Variants in MS4A18 observed in about 807,000 individuals in gnomAD.
MS4A18 encodes the protein membrane-spanning 4-domains subfamily A member 18.
A neutral mutation model predicts 13.1 loss-of-function variants in MS4A18; 27 were observed. That is an observed-to-expected ratio of 2.06 (90% CI 1.52 to 2.84). MS4A18 has a LOEUF of 2.84. MS4A18 is among the 30% of genes most tolerant of loss of function. The pLI, the probability that MS4A18 is intolerant of heterozygous loss-of-function variation, is 0.00. For missense variants in MS4A18, 307 were observed against 196.4 expected (o/e 1.56, Z -3.37); for synonymous variants, 126 against 76.5 (o/e 1.65, Z -3.38).
At chr11:60,735,150 G>A (rs975261089) in intron 2 of MS4A18, among the ~76,000 whole-genome samples, 4 of 152,078 alleles carry the variant, frequency 2.6e-5, no homozygotes, top group African/African-American at 9.7e-5. Context: ...TATGTTTTAA[G>A]TTGTGTGTAT....
At chr11:60,737,079 T>C in intron 3 of MS4A18, 45 bp downstream of exon 4, 1 of 701,008 alleles carries the variant, frequency 1.4e-6, no homozygotes. Flanking sequence ...TGTTAGAATT[T>C]GACTCTCTAC....
rs756703578 is a variant in MS4A18 at position 60,733,545 on chromosome 11, C to T, written c.489C>T (p.Ile163=). The change falls in exon 2 of 6, where the codon ATC becomes ATT. Residue 163 remains isoleucine, a synonymous_variant. Coordinates refer to ENST00000529108, the Ensembl canonical transcript of MS4A18. ...TGTTCTCCCTGCAGGCCATCCAGAT[C>T]CTCATCGGCCTGACGCACATTTTCT... The T allele has an allele frequency of 5.7e-6, 4 of 703,294 alleles. No individual in the cohort carries two copies. The South Asian group carries it at 5.9e-5, about 10-fold the overall frequency. 43.6% of individuals were successfully genotyped at this position (703,294 alleles called of 1,614,324 possible).
chr11:60,737,673 G>A (rs1041334314), intron 3 of MS4A18, among the ~76,000 whole-genome samples: 1 of 152,140 alleles, frequency 6.6e-6, no homozygotes, highest in Non-Finnish European at 1.5e-5. Context: ...AGAAGCTTAG[G>A]GATAAATTTA....
At chr11:60,729,373 G>A in exon 1 of MS4A18, 1 of 702,784 alleles carries the variant, frequency 1.4e-6, no homozygotes, top group South Asian at 1.5e-5. Flanking sequence ...CCCAGATAAT[G>A]TTCACGTCAT....
chr11:60,731,315 TG>T (rs1853249667), intron 1 of MS4A18, among the ~76,000 whole-genome samples: 1 of 152,218 alleles, frequency 6.6e-6, no homozygotes, highest in African/African-American at 2.4e-5. Flanking sequence ...TTTCAAAATT[TG>T]TCAAAACAGA....
At chr11:60,737,881 T>C (rs968166982) in intron 3 of MS4A18, among the ~76,000 whole-genome samples, 3 of 152,158 alleles carry the variant, frequency 2.0e-5, no homozygotes, top group Non-Finnish European at 2.9e-5. Context: ...GGCCCCACAA[T>C]CTGCCTTGCT....
In MS4A18 at chr11:60,738,579, A is replaced by G. The variant is rs78288610; in HGVS notation, c.649-323A>G. Among the ~76,000 whole-genome samples, 840 of 152,274 alleles carry G rather than the reference A, an allele frequency of 5.5e-3. 7 individuals carry two copies. The highest frequency in any genetic ancestry group is 0.018 in the African/African-American group (759 of 41,554). On this transcript the variant is annotated intron_variant, in intron 3 of 5. Coordinates refer to ENST00000529108, the Ensembl canonical transcript of MS4A18. ...GATTTTGGGTGGAGGTTTGGAGGAA[A>G]GAAAGGATCAGGTAAAACAACTAAC...
At chr11:60,725,445 T>C (rs1040221768), upstream of MS4A18, among the ~76,000 whole-genome samples, 7 of 152,110 alleles carry the variant, frequency 4.6e-5, no homozygotes, top group Non-Finnish European at 8.8e-5. Context: ...CTGCCCGCCT[T>C]GGCCTCCCAA....
At chr11:60,737,169 C>A in intron 3 of MS4A18, 135 bp downstream of exon 4, 1 of 636,530 alleles carries the variant, frequency 1.6e-6, no homozygotes, top group South Asian at 1.8e-5. Context: ...ATACCTTATT[C>A]CAGTCAATCC....
chr11:60,726,716 A>ACTTTTATTTT (rs1451451249), upstream of MS4A18, among the ~76,000 whole-genome samples: 8 of 96,154 alleles, frequency 8.3e-5, no homozygotes, highest in African/African-American at 3.2e-4. Flanking sequence ...TTGGGGTAAC[A>ACTTTTATTTT]CTTTTATTTT....
intron 1 of MS4A18, among the ~76,000 whole-genome samples, chr11:60,731,647 C>T (rs1047297679): frequency 1.3e-5 from 2 of 152,180 alleles, no homozygotes; most frequent in Non-Finnish European, 2.9e-5. Flanking sequence ...TTACAAAATA[C>T]AGTAATTCTC....
At chr11:60,737,876 C>T (rs557996092) in intron 3 of MS4A18, among the ~76,000 whole-genome samples, 1 of 152,212 alleles carries the variant, frequency 6.6e-6, no homozygotes, top group Non-Finnish European at 1.5e-5. Flanking sequence ...CCTGTGGCCC[C>T]ACAATCTGCC....
intron 2 of MS4A18, among the ~76,000 whole-genome samples, chr11:60,735,093 A>T (rs1022661306): frequency 1.3e-5 from 2 of 151,980 alleles, no homozygotes; most frequent in African/African-American, 4.8e-5. Context: ...TAACAATATG[A>T]ATTTTCTTGG....
chr11:60,736,387 C>T (rs973544935), intron 2 of MS4A18, among the ~76,000 whole-genome samples: 1 of 151,986 alleles, frequency 6.6e-6, no homozygotes, highest in Non-Finnish European at 1.5e-5. Flanking sequence ...GCCCAGGCCT[C>T]CTCATTTCAG....
At chr11:60,725,473 C>CGTG (rs1853141122), upstream of MS4A18, among the ~76,000 whole-genome samples, 1 of 152,140 alleles carries the variant, frequency 6.6e-6, no homozygotes, top group East Asian at 1.9e-4. Context: ...GGATTACAGG[C>CGTG]AGAACCATTC....
At chr11:60,736,901 G>C in intron 2 of MS4A18, 77 bp from the exon 4 acceptor site, 1 of 677,230 alleles carries the variant, frequency 1.5e-6, no homozygotes, top group Non-Finnish European at 2.7e-6. Context: ...TGAGAAATGC[G>C]TCTCTGAGTG....
upstream of MS4A18, among the ~76,000 whole-genome samples, chr11:60,727,082 G>A (rs1304312958): frequency 6.6e-6 from 1 of 152,132 alleles, no homozygotes; most frequent in Admixed American, 6.5e-5. Context: ...CCCTGCAAAG[G>A]ACATGAACTC....
chr11:60,740,180 G>C (rs748353553), intron 4 of MS4A18, among the ~76,000 whole-genome samples: 1 of 152,192 alleles, frequency 6.6e-6, no homozygotes, highest in Non-Finnish European at 1.5e-5. Flanking sequence ...CAGGACCTCT[G>C]TCATCAAGGA....
chr11:60,728,442 G>A (rs1853197900), upstream of MS4A18, among the ~76,000 whole-genome samples: 1 of 151,026 alleles, frequency 6.6e-6, no homozygotes, highest in African/African-American at 2.4e-5. Context: ...ATCTGTGTGT[G>A]TGTCTGTGTG....
Sources: gnomAD v4.1 joint callset for allele counts (sites outside exome capture counted in the v4.1 genomes callset) on GRCh38, gnomAD v4.1.1 for gene constraint, MANE v1.5 for transcripts, NCBI Gene and HGNC (gene_info 2026-07-23, HGNC 2026-07-21) for gene names.